ELSPBP1: variants seen among roughly 807,000 people sequenced by gnomAD.
ELSPBP1 encodes epididymal sperm binding protein 1, also known as epididymal sperm-binding protein 1.
In ELSPBP1, 38 loss-of-function variants were observed where a neutral mutation model predicts 33.3. The ratio of observed to expected loss-of-function variants is 1.14; its 90% CI spans 0.88 to 1.50. The LOEUF (loss-of-function observed/expected upper bound fraction) is 1.50. ELSPBP1 is among the 40% of genes most tolerant of loss of function. ELSPBP1 has a pLI of 0.00. For missense variants in ELSPBP1, 267 were observed against 263.5 expected, an observed-to-expected ratio of 1.01 and a Z score of -0.09; for synonymous variants, 85 against 94.1, an observed-to-expected ratio of 0.90 and a Z score of 0.56.
Position 48,024,697 on chromosome 19 carries a change from A to G in ELSPBP1, c.*8-255A>G, listed in dbSNP as rs570575293. Among the ~76,000 whole-genome samples the G allele has an allele frequency of 2.6e-5, 4 of 152,210 alleles. No homozygotes were observed. In the South Asian group the frequency reaches 6.2e-4, roughly 24 times the overall value. On this transcript the variant is annotated intron_variant, in intron 6 of 6. Transcript: ENST00000339841. ...AGCGTCCAGCCTCTGACTTCTGTCC[A>G]TCACAGCAGAACTGGCACTTTGCAG...
intron 6 of ELSPBP1, among the ~76,000 whole-genome samples, chr19:48,024,036 A>ATTTTT (rs111833936): frequency 3.0e-5 from 4 of 131,914 alleles, no homozygotes; most frequent in Non-Finnish European, 3.2e-5. Context: ...ATGCCCAGCA[A>ATTTTT]TTTTTTTTTT....
rs967547275 is a variant in ELSPBP1 at position 48,000,777 on chromosome 19, G to C, written c.-18+5966G>C. Among the ~76,000 whole-genome samples the C allele has an allele frequency of 3.9e-5, 6 of 152,284 alleles. No homozygotes were observed. In the East Asian group the frequency reaches 1.2e-3, roughly 29 times the overall value. ...GCCTAAGGTTAGACACCTTTGCTCCGTACCTGTTCCAGGATGGCTGATTCA... is the reference window on the plus strand; with the variant it reads ...GCCTAAGGTTAGACACCTTTGCTCCCTACCTGTTCCAGGATGGCTGATTCA... On this transcript the variant is annotated intron_variant, in intron 1 of 6. Transcript: ENST00000339841.
chr19:48,022,887 C>CAA (rs10695720), intron 6 of ELSPBP1, among the ~76,000 whole-genome samples: 69,939 of 140,366 alleles, frequency 0.5, 17,825 homozygotes, highest in East Asian at 0.76. Flanking sequence ...CCTGTCTCTA[C>CAA]AAAAAAAAAA....
At chr19:47,998,427 A>G (rs1170536787) in intron 1 of ELSPBP1, among the ~76,000 whole-genome samples, 1 of 151,430 alleles carries the variant, frequency 6.6e-6, no homozygotes, top group Non-Finnish European at 1.5e-5. Flanking sequence ...AAGAAAAAAA[A>G]TCAATCAATC....
intron 4 of ELSPBP1, among the ~76,000 whole-genome samples, chr19:48,017,738 A>C (rs1262856437): frequency 6.6e-6 from 1 of 151,936 alleles, no homozygotes; most frequent in African/African-American, 2.4e-5. Context: ...AAAAACAAGA[A>C]TTAAAAAATT....
Position 48,022,321 on chromosome 19 carries a change from TTGCTGA to T in ELSPBP1, c.*1_*6del, listed in dbSNP as rs1221594274. The T allele has an allele frequency of 1.2e-6, 2 of 1,610,406 alleles. No homozygotes were observed. The highest frequency in any genetic ancestry group is 1.7e-5 in the Admixed American group (1 of 59,502). The stretch of plus-strand genomic sequence containing the variant: ...ACGACCAAGACCACACCTGGGTGTA[TTGCTGA>T]TGCTGAGGTGAGAGCAGGGACCAAC... On this transcript the variant is annotated stop_lost and inframe_deletion and stop_retained_variant, in exon 6 of 7. Transcript: ENST00000339841.
intron 1 of ELSPBP1, among the ~76,000 whole-genome samples, chr19:48,002,608 C>T (rs143954811): frequency 1.6e-3 from 239 of 152,244 alleles, no homozygotes; most frequent in African/African-American, 5.4e-3. Context: ...CTGGCCAACA[C>T]GGTGAAACCG....
At position 48,019,717 on chromosome 19, in the gene ELSPBP1, A is replaced by T; in HGVS notation, c.356-2A>T. Reference sequence around the variant, plus strand: ...CCGTAACCTTTCCATAATCCTTTTCAGAGTATGGGGGAAATTCTCTCAGGA... The same window carrying T: ...CCGTAACCTTTCCATAATCCTTTTCTGAGTATGGGGGAAATTCTCTCAGGA... On this transcript the variant is annotated splice_acceptor_variant, in intron 4 of 6. Transcript: ENST00000339841. LOFTEE classifies it high-confidence loss of function. 1 of 1,612,830 alleles carries T rather than the reference A, an allele frequency of 6.2e-7. No individual in the cohort carries two copies. Among genetic ancestry groups the T allele is most frequent in the Non-Finnish European group, 8.5e-7 (1 of 1,179,498 alleles).
intron 4 of ELSPBP1, among the ~76,000 whole-genome samples, chr19:48,018,375 G>A (rs1344652042): frequency 2.0e-5 from 3 of 151,484 alleles, no homozygotes; most frequent in African/African-American, 4.8e-5. Context: ...AGAAATGTGA[G>A]CTTTCTTCTG....
At position 48,014,269 on chromosome 19, in the gene ELSPBP1, G is replaced by A. The variant is rs1202027635; in HGVS notation, c.169G>A (p.Ala57Thr). 1 of 1,614,084 alleles carries A rather than the reference G, an allele frequency of 6.2e-7. No individual in the cohort carries two copies. The highest frequency in any genetic ancestry group is 8.5e-7 in the Non-Finnish European group (1 of 1,180,002). ...CTTATCCCCTTGGTGTGCCACCAGA[G>A]CCGTGTACAACGGCCAGTGGAAGTA... ...HSLSPWCATR[A>T]VYNGQWKYCQ... The change falls in exon 3 of 7, where the codon GCC becomes ACC. Residue 57 changes from alanine to threonine, a missense_variant. Ala to Thr is a moderately conservative substitution (Grantham distance 58). Coordinates refer to ENST00000339841, the MANE Select transcript of ELSPBP1 (RefSeq NM_022142.5).
At chr19:48,023,345 GA>G (rs1967224714) in intron 6 of ELSPBP1, among the ~76,000 whole-genome samples, 1 of 123,312 alleles carries the variant, frequency 8.1e-6, no homozygotes, top group African/African-American at 3.0e-5. Context: ...AGGGAGGGAG[GA>G]AGGAAAGAAG....
chr19:48,008,092 T>C (rs893106410), intron 1 of ELSPBP1, among the ~76,000 whole-genome samples: 7 of 152,166 alleles, frequency 4.6e-5, no homozygotes, highest in East Asian at 3.9e-4. Context: ...CGAACCTAGA[T>C]GGTAGTGCCT....
At chr19:47,998,425 AAATCAATCAATC>A (rs1033846315) in intron 1 of ELSPBP1, among the ~76,000 whole-genome samples, 2 of 151,680 alleles carry the variant, frequency 1.3e-5, no homozygotes, top group Non-Finnish European at 2.9e-5. Flanking sequence ...AAAAGAAAAA[AAATCAATCAATC>A]AATCAATCAA....
At chr19:48,002,841 G>A (rs551459083) in intron 1 of ELSPBP1, among the ~76,000 whole-genome samples, 1 of 152,118 alleles carries the variant, frequency 6.6e-6, no homozygotes, top group Non-Finnish European at 1.5e-5. Flanking sequence ...AAATAGTAAT[G>A]AAAATATCTG....
At chr19:48,006,094 G>C (rs551707325) in intron 1 of ELSPBP1, among the ~76,000 whole-genome samples, 1 of 152,162 alleles carries the variant, frequency 6.6e-6, no homozygotes, top group Admixed American at 6.5e-5. Context: ...CTGAGTAGCT[G>C]GGACTACAGG....
At chr19:48,006,621 CAAAAAAAAAAAAAA>C (rs1190341508) in intron 1 of ELSPBP1, among the ~76,000 whole-genome samples, 1 of 20,886 alleles carries the variant, frequency 4.8e-5, no homozygotes, top group Non-Finnish European at 1.0e-4. Context: ...GACCCTGTCT[CAAAAAAAAAAAAAA>C]AAAAAAAAAA....
Position 48,019,790 on chromosome 19 carries a change from T to G in ELSPBP1, c.427T>G (p.Cys143Gly), listed in dbSNP as rs145393608. The change falls in exon 5 of 7, where the codon TGC becomes GGC. Residue 143 changes from cysteine (C) to glycine (G), a missense_variant. Transcript: ENST00000339841. ...CTACAGAAATAATGTGGTCTCTGAT[T>G]GCATGGAGGATGAAAGCAACAAGCT... ...SIYRNNVVSDCMEDESNKLWC... is the reference protein window; with the variant it reads ...SIYRNNVVSDGMEDESNKLWC... The G allele has an allele frequency of 6.2e-7, 1 of 1,613,908 alleles. No homozygotes were observed. The highest frequency in any genetic ancestry group is 1.3e-5 in the African/African-American group (1 of 74,894).
chr19:48,006,657 A>G (rs1967023329), intron 1 of ELSPBP1, among the ~76,000 whole-genome samples: 1 of 151,486 alleles, frequency 6.6e-6, no homozygotes, highest in Non-Finnish European at 1.5e-5. Context: ...AGAAAAGAAA[A>G]AGAAAATTTA....
chr19:48,016,585 TTTC>T (rs1382595588), intron 4 of ELSPBP1, among the ~76,000 whole-genome samples: 1 of 150,482 alleles, frequency 6.6e-6, no homozygotes, highest in African/African-American at 2.5e-5. Flanking sequence ...CATCTCTCTC[TTTC>T]TTTCTTTTTC....
Sources: allele counts gnomAD v4.1 joint callset (sites outside exome capture counted in the v4.1 genomes callset), GRCh38; gene constraint gnomAD v4.1.1; transcripts MANE v1.5; gene names NCBI Gene and HGNC (gene_info 2026-07-23, HGNC 2026-07-21).